The following EXOC4 variants were observed in gnomAD, a reference collection of about 807,000 sequenced individuals.
The protein encoded by EXOC4 is exocyst complex component 4.
EXOC4 carries 71 observed loss-of-function variants against 107.2 expected under a neutral mutation model. The observed-to-expected ratio is 0.66, with a 90% CI of 0.55 to 0.81. The LOEUF is 0.81. EXOC4 is among the 30% of genes least tolerant of loss of function. The pLI, the probability that EXOC4 is intolerant of heterozygous loss-of-function variation, is 0.00. For synonymous variants in EXOC4, 456 were observed against 441.2 expected (o/e 1.03, Z -0.42); for missense variants, 1,108 against 1,189.6 (o/e 0.93, Z 1.01).
At chr7:133,955,306 A>G (rs1221520026) in intron 14 of EXOC4, among the ~76,000 whole-genome samples, 4 of 152,126 alleles carry the variant, frequency 2.6e-5, no homozygotes, top group African/African-American at 7.2e-5. Context: ...AGGCATCCCA[A>G]TGAGTATTCA....
chr7:133,961,280 CTTTTTT>C (rs34400471), intron 14 of EXOC4, among the ~76,000 whole-genome samples: 3 of 77,010 alleles, frequency 3.9e-5, no homozygotes, highest in African/African-American at 5.5e-5. Context: ...TCATGTCAAA[CTTTTTT>C]TTTTTTTTTT....
At chr7:133,372,943 T>C (rs1225505430) in intron 6 of EXOC4, among the ~76,000 whole-genome samples, 1 of 152,234 alleles carries the variant, frequency 6.6e-6, no homozygotes, top group African/African-American at 2.4e-5. Flanking sequence ...AAAGATATAA[T>C]GTTAAATAAA....
chr7:133,279,692 A>G (rs113047569), intron 2 of EXOC4, among the ~76,000 whole-genome samples: 10 of 151,812 alleles, frequency 6.6e-5, no homozygotes, highest in African/African-American at 2.2e-4. Context: ...CTAATATTTG[A>G]TTTTTTTGCA....
At chr7:133,681,473 A>G (rs149296695) in intron 10 of EXOC4, among the ~76,000 whole-genome samples, 5 of 152,298 alleles carry the variant, frequency 3.3e-5, no homozygotes, top group African/African-American at 1.2e-4. Context: ...TTATTCACAT[A>G]ATAATTCGAA....
chr7:134,027,933 C>G lies in EXOC4; in HGVS notation c.2687+20098C>G, dbSNP rs1795180526. ...AAATGATCCAGATAGGGCTAGAACC[C>G]AGATTTCTGAACTCGTTTTTCTGGG... is the stretch of plus-strand genomic sequence containing the variant. On this transcript the variant is annotated intron_variant, in intron 17 of 17. Coordinates refer to ENST00000253861, the MANE Select transcript of EXOC4 (RefSeq NM_021807.4). 2.0e-5 allele frequency among the ~76,000 whole-genome samples: 3 copies of G among 152,168 alleles called. 1 individual carries two copies. In the South Asian group the frequency reaches 6.2e-4, roughly 31 times the overall value.
At chr7:133,317,077 C>G (rs1411289491) in intron 4 of EXOC4, among the ~76,000 whole-genome samples, 1 of 152,058 alleles carries the variant, frequency 6.6e-6, no homozygotes, top group African/African-American at 2.4e-5. Context: ...GGAACCCTTA[C>G]AATACATTTT....
At chr7:133,463,493 T>TA (rs1472015311) in intron 7 of EXOC4, among the ~76,000 whole-genome samples, 1 of 152,092 alleles carries the variant, frequency 6.6e-6, no homozygotes, top group Admixed American at 6.6e-5. Context: ...AAGTATGATG[T>TA]AAGAGGGATA....
intron 10 of EXOC4, among the ~76,000 whole-genome samples, chr7:133,634,528 C>T (rs1353166268): frequency 1.3e-5 from 2 of 151,830 alleles, no homozygotes; most frequent in Non-Finnish European, 2.9e-5. Context: ...CTCACTCTGT[C>T]GCCCAGGCTG....
intron 6 of EXOC4, among the ~76,000 whole-genome samples, chr7:133,364,110 G>A (rs1176449791): frequency 6.6e-6 from 1 of 151,892 alleles, no homozygotes; most frequent in African/African-American, 2.4e-5. Flanking sequence ...TTAGGGCTGG[G>A]CACATACGAA....
At chr7:133,424,905 A>G (rs1797690126) in intron 7 of EXOC4, among the ~76,000 whole-genome samples, 2 of 152,218 alleles carry the variant, frequency 1.3e-5, no homozygotes, top group Non-Finnish European at 2.9e-5. Context: ...CAAAGCCTGT[A>G]TAAACTAGGT....
At chr7:133,324,630 C>T (rs1300463952) in intron 5 of EXOC4, among the ~76,000 whole-genome samples, 1 of 152,122 alleles carries the variant, frequency 6.6e-6, no homozygotes, top group Admixed American at 6.6e-5. Context: ...TTACTTCCTA[C>T]TATGGGGTCA....
intron 14 of EXOC4, among the ~76,000 whole-genome samples, chr7:133,972,250 C>A (rs1202635519): frequency 6.6e-6 from 1 of 152,042 alleles, no homozygotes; most frequent in East Asian, 1.9e-4. Context: ...GAAATTTTAC[C>A]CTGCTTCTTT....
chr7:133,823,884 A>AT (rs1554405868), intron 11 of EXOC4, among the ~76,000 whole-genome samples: 1 of 21,668 alleles, frequency 4.6e-5, no homozygotes, highest in Non-Finnish European at 6.8e-5. Context: ...ATATATATAT[A>AT]TATATATATT....
chr7:133,527,047 A>G (rs1160013136), intron 9 of EXOC4, among the ~76,000 whole-genome samples: 1 of 152,192 alleles, frequency 6.6e-6, no homozygotes, highest in Non-Finnish European at 1.5e-5. Flanking sequence ...CAAAGGGACA[A>G]TAACCATAAT....
At chr7:133,760,675 A>G (rs1295212223) in intron 10 of EXOC4, among the ~76,000 whole-genome samples, 1 of 152,030 alleles carries the variant, frequency 6.6e-6, no homozygotes, top group African/African-American at 2.4e-5. Context: ...GGCAGGACCC[A>G]GGTCTCCTGG....
intron 17 of EXOC4, among the ~76,000 whole-genome samples, chr7:134,052,011 T>G (rs901948798): frequency 6.7e-6 from 1 of 149,358 alleles, no homozygotes; most frequent in African/African-American, 2.5e-5. Context: ...AAAAAAAATG[T>G]GGCTCCATGA....
At chr7:133,670,494 G>A (rs1793922277) in intron 10 of EXOC4, among the ~76,000 whole-genome samples, 1 of 152,190 alleles carries the variant, frequency 6.6e-6, no homozygotes, top group Non-Finnish European at 1.5e-5. Flanking sequence ...AGTCTGGCTA[G>A]AGGGCGTCTG....
intron 5 of EXOC4, among the ~76,000 whole-genome samples, chr7:133,331,461 C>CTTTTTTTT (rs58568173): frequency 1.1e-4 from 9 of 85,574 alleles, no homozygotes; most frequent in Non-Finnish European, 1.4e-4. Flanking sequence ...TTTCTTTTTT[C>CTTTTTTTT]TTTTTTTTTT....
chr7:133,683,713 A>G (rs1042436266), intron 10 of EXOC4, among the ~76,000 whole-genome samples: 1 of 152,048 alleles, frequency 6.6e-6, no homozygotes, highest in South Asian at 2.1e-4. Context: ...CTTTTTTCCA[A>G]TTTCGGGGCA....
Sources: allele counts gnomAD v4.1 joint callset (sites outside exome capture counted in the v4.1 genomes callset), GRCh38; gene constraint gnomAD v4.1.1; transcripts MANE v1.5; gene names NCBI Gene and HGNC (gene_info 2026-07-23, HGNC 2026-07-21).